The following TUSC3 variants were observed in gnomAD, a reference collection of about 807,000 sequenced individuals.
The protein encoded by TUSC3 is dolichyl-diphosphooligosaccharide--protein glycosyltransferase subunit TUSC3.
Under a neutral mutation model 44.8 loss-of-function variants are expected in TUSC3, and 45 were observed. The observed-to-expected ratio is 1.00, with a 90% CI of 0.79 to 1.29. The LOEUF is 1.29. Among genes scored for constraint, TUSC3 ranks in the 50% most tolerant of loss-of-function variants. The pLI is 0.00. For missense variants in TUSC3, 519 were observed against 437.9 expected (o/e 1.19, Z -1.65); for synonymous variants, 212 against 152.9 (o/e 1.39, Z -2.85).
At chr8:15,816,469 T>A in the TUSC3 span, among the ~76,000 whole-genome samples, 1 of 152,220 alleles carries the variant, frequency 6.6e-6, no homozygotes, top group South Asian at 2.1e-4. Flanking sequence ...AAAAAGATAT[T>A]ATGGGACAAG....
chr8:15,799,486 A>T, the TUSC3 span, among the ~76,000 whole-genome samples: 1 of 152,188 alleles, frequency 6.6e-6, no homozygotes, highest in Non-Finnish European at 1.5e-5. Flanking sequence ...GGAGTTGACA[A>T]CAATGACATA....
chr8:15,521,454 C>T (rs1801295603), intron 2 of TUSC3, among the ~76,000 whole-genome samples: 1 of 152,110 alleles, frequency 6.6e-6, no homozygotes, highest in Non-Finnish European at 1.5e-5. Context: ...TACAACCAAC[C>T]AGCCATAATA....
At chr8:15,541,824 A>G (rs1801701877) in intron 1 of TUSC3, among the ~76,000 whole-genome samples, 1 of 151,712 alleles carries the variant, frequency 6.6e-6, no homozygotes, top group Non-Finnish European at 1.5e-5. Flanking sequence ...AAGGTAGAAG[A>G]GTGAAGAAAA....
At chr8:15,458,394 A>G (rs1046480347) in intron 1 of TUSC3, among the ~76,000 whole-genome samples, 1 of 151,968 alleles carries the variant, frequency 6.6e-6, no homozygotes, top group Non-Finnish European at 1.5e-5. Context: ...GCATGCTACC[A>G]CACTTGGATA....
intron 1 of TUSC3, among the ~76,000 whole-genome samples, chr8:15,479,989 C>T (rs1437304165): frequency 6.6e-6 from 1 of 152,122 alleles, no homozygotes; most frequent in Non-Finnish European, 1.5e-5. Context: ...AAATCACAAG[C>T]ATTCCATACA....
chr8:15,550,387 A>C (rs1000879495), intron 1 of TUSC3, among the ~76,000 whole-genome samples: 1 of 151,732 alleles, frequency 6.6e-6, no homozygotes, highest in South Asian at 2.1e-4. Context: ...ATAAGAGAAT[A>C]GTAACTGTAG....
the TUSC3 span, among the ~76,000 whole-genome samples, chr8:15,779,098 CTTTTTTT>C: frequency 9.8e-5 from 11 of 111,834 alleles, no homozygotes; most frequent in South Asian, 6.0e-4. Flanking sequence ...CGAATGTTTT[CTTTTTTT>C]TTTTTTTTTT....
intron 6 of TUSC3, among the ~76,000 whole-genome samples, chr8:15,720,201 T>TACACACACAC (rs60082069): frequency 0.034 from 4,831 of 141,274 alleles, 106 homozygotes; most frequent in Middle Eastern, 0.077. Flanking sequence ...TATATATATA[T>TACACACACAC]ACACACACAC....
chr8:15,757,927 C>T, intron 10 of TUSC3, 72 bp downstream of exon 10: 1 of 1,482,118 alleles, frequency 6.7e-7, no homozygotes, highest in Non-Finnish European at 9.3e-7. Context: ...ACATTTATCT[C>T]ATAAGACAAG....
At chr8:15,491,591 C>A (rs1563265131) in intron 2 of TUSC3, among the ~76,000 whole-genome samples, 1 of 152,136 alleles carries the variant, frequency 6.6e-6, no homozygotes, top group Non-Finnish European at 1.5e-5. Flanking sequence ...TGCTTACATA[C>A]ACTGTGACAA....
intron 1 of TUSC3, among the ~76,000 whole-genome samples, chr8:15,444,165 C>G (rs1209710338): frequency 1.3e-5 from 2 of 152,168 alleles, no homozygotes; most frequent in Admixed American, 1.3e-4. Context: ...ATAAAGTACT[C>G]CAGCTGCAGT....
intron 2 of TUSC3, among the ~76,000 whole-genome samples, chr8:15,640,402 T>TGACC (rs1029563727): frequency 1.3e-5 from 2 of 152,222 alleles, no homozygotes; most frequent in African/African-American, 4.8e-5. Context: ...ACCATGAATG[T>TGACC]GACCATGTGC....
chr8:15,429,776 C>T (rs978241596), intron 1 of TUSC3, among the ~76,000 whole-genome samples: 1 of 151,374 alleles, frequency 6.6e-6, no homozygotes, highest in East Asian at 1.9e-4. Context: ...CAAATAGATG[C>T]AATAAAAAAT....
intron 1 of TUSC3, among the ~76,000 whole-genome samples, chr8:15,465,862 T>G (rs1800406717): frequency 6.6e-6 from 1 of 152,218 alleles, no homozygotes; most frequent in African/African-American, 2.4e-5. Context: ...CAAGGTGTCT[T>G]CAAAGTCAAC....
At chr8:15,563,413 A>G (rs551066771) in intron 1 of TUSC3, among the ~76,000 whole-genome samples, 13 of 152,164 alleles carry the variant, frequency 8.5e-5, no homozygotes, top group African/African-American at 3.1e-4. Context: ...AAGGTAAGGA[A>G]GATTCAAGAA....
In TUSC3 at chr8:15,720,803, T is replaced by C. The variant is rs1313395718; in HGVS notation, c.799-9863T>C. Among the ~76,000 whole-genome samples, 27 of 152,130 alleles carry C rather than the reference T, an allele frequency of 1.8e-4. 1 individual carries two copies. Among genetic ancestry groups the C allele is most frequent in the Admixed American group, 1.8e-3 (27 of 15,240 alleles). The stretch of plus-strand genomic sequence containing the variant: ...TAATGGCACTAAGAGATTTTGCTTA[T>C]ATTGCGATTGAGGCAGTGACCACAA... On this transcript the variant is annotated intron_variant, in intron 6 of 10. Coordinates refer to ENST00000503731, the MANE Select transcript of TUSC3 (RefSeq NM_006765.4).
intron 1 of TUSC3, among the ~76,000 whole-genome samples, chr8:15,600,102 C>G (rs550147130): frequency 6.6e-6 from 1 of 151,766 alleles, no homozygotes; most frequent in African/African-American, 2.4e-5. Context: ...ATGTTGAAAA[C>G]AAGTGGTAGA....
At chr8:15,771,015 A>C (rs1283569086), downstream of TUSC3, among the ~76,000 whole-genome samples, 2 of 152,202 alleles carry the variant, frequency 1.3e-5, no homozygotes, top group Non-Finnish European at 2.9e-5. Context: ...GAAAGCAGCA[A>C]GAGAGACGTG....
intron 1 of TUSC3, among the ~76,000 whole-genome samples, chr8:15,589,439 C>G (rs1247856863): frequency 1.3e-5 from 2 of 151,930 alleles, no homozygotes; most frequent in African/African-American, 4.8e-5. Context: ...GTAAATTGAT[C>G]AATTCGAAAC....
Sources: gnomAD v4.1 joint callset for allele counts (sites outside exome capture counted in the v4.1 genomes callset) on GRCh38, gnomAD v4.1.1 for gene constraint, MANE v1.5 for transcripts, NCBI Gene and HGNC (gene_info 2026-07-23, HGNC 2026-07-21) for gene names.